C1QTNF3: variants seen among roughly 807,000 people sequenced by gnomAD.
C1QTNF3 encodes the protein complement C1q tumor necrosis factor-related protein 3.
In C1QTNF3, 26 loss-of-function variants were observed where a neutral mutation model predicts 32.6. The observed-to-expected ratio is 0.80, with a 90% CI of 0.58 to 1.11. The LOEUF (loss-of-function observed/expected upper bound fraction) is 1.11, where lower values mean the gene tolerates loss of function less well. Ranked by LOEUF, C1QTNF3 falls within the 50% of genes least tolerant of loss-of-function variation. The pLI is 0.00. For synonymous variants in C1QTNF3, 155 were observed against 146.0 expected, an observed-to-expected ratio of 1.06 and a Z score of -0.44; for missense variants, 362 against 398.2, an observed-to-expected ratio of 0.91 and a Z score of 0.77.
the C1QTNF3 span, among the ~76,000 whole-genome samples, chr5:34,067,654 A>T: frequency 2.0e-5 from 3 of 152,170 alleles, no homozygotes; most frequent in Non-Finnish European, 2.9e-5. Context: ...CTCCCACAAC[A>T]TGTGAGAATT....
intron 1 of C1QTNF3, among the ~76,000 whole-genome samples, chr5:34,036,486 T>C (rs558741421): frequency 6.6e-6 from 1 of 152,356 alleles, no homozygotes; most frequent in African/African-American, 2.4e-5. Flanking sequence ...ACTGTTTTTG[T>C]AGAGAGAGCA....
chr5:34,129,481 G>C, the C1QTNF3 span, among the ~76,000 whole-genome samples: 1 of 152,092 alleles, frequency 6.6e-6, no homozygotes, highest in Non-Finnish European at 1.5e-5. Flanking sequence ...TGTGAGACAG[G>C]AGAAATAAAT....
rs772708439 is a variant in C1QTNF3, at chr5:34,035,710, C to T, written c.352G>A (p.Gly118Arg). The part of the protein sequence containing the change: ...LPPDCSKCCH[G>R]DYSFRGYQGP... ...TGGTAGCCTCGAAAGCTGTAGTCTC[C>T]ATGACAACACTTACTGCAGTCTGGG... The change falls in exon 2 of 6, where the codon GGA (glycine) becomes AGA (arginine). Residue 118 changes from glycine to arginine, a missense_variant. Gly to Arg is a moderately radical substitution (Grantham distance 125). Transcript: ENST00000382065. The T allele has an allele frequency of 1.3e-5, 21 of 1,612,384 alleles. No individual in the cohort carries two copies. The highest frequency in any genetic ancestry group is 1.8e-5 in the Non-Finnish European group (21 of 1,179,540).
At chr5:34,195,529 AT>A in the C1QTNF3 span, among the ~76,000 whole-genome samples, 1 of 151,888 alleles carries the variant, frequency 6.6e-6, no homozygotes, top group East Asian at 1.9e-4. Context: ...TACAGACTGC[AT>A]GTTTGTGTTC....
chr5:34,127,373 C>G, the C1QTNF3 span, among the ~76,000 whole-genome samples: 1 of 152,040 alleles, frequency 6.6e-6, no homozygotes, highest in African/African-American at 2.4e-5. Flanking sequence ...AAAGTCCCGG[C>G]TGAGGTAGTC....
chr5:34,212,661 C>T, the C1QTNF3 span, among the ~76,000 whole-genome samples: 1 of 150,300 alleles, frequency 6.7e-6, no homozygotes, highest in Non-Finnish European at 1.5e-5. Flanking sequence ...AAAATGCTCA[C>T]CATCACTGGC....
the C1QTNF3 span, among the ~76,000 whole-genome samples, chr5:34,102,341 T>A: frequency 1.3e-5 from 2 of 152,214 alleles, no homozygotes; most frequent in East Asian, 1.9e-4. Flanking sequence ...TATTATTAAA[T>A]AATTTGAATT....
the C1QTNF3 span, among the ~76,000 whole-genome samples, chr5:34,126,844 T>C: frequency 6.6e-6 from 1 of 152,284 alleles, no homozygotes; most frequent in South Asian, 2.1e-4. Context: ...CCCATGCAAA[T>C]CTCATCTAGA....
At position 34,028,749 on chromosome 5, in the gene C1QTNF3, C is replaced by T. The variant is rs777143468; in HGVS notation, c.700+5G>A. ...CTCAATCTTCATCCTATGTTTCCATCTCACCTGATACTGGGGCCCCAAATC... is the reference window on the plus strand; with the variant it reads ...CTCAATCTTCATCCTATGTTTCCATTTCACCTGATACTGGGGCCCCAAATC... On this transcript the variant is annotated splice_donor_5th_base_variant and intron_variant, in intron 4 of 5. Coordinates refer to ENST00000382065, the MANE Select transcript of C1QTNF3 (RefSeq NM_181435.6). 6.2e-7 allele frequency: 1 copy of T among 1,602,038 alleles called. No homozygotes were observed. Among genetic ancestry groups the T allele is most frequent in the Admixed American group, 1.7e-5 (1 of 58,622 alleles).
At chr5:34,220,271 T>C in the C1QTNF3 span, among the ~76,000 whole-genome samples, 3 of 152,114 alleles carry the variant, frequency 2.0e-5, no homozygotes, top group Non-Finnish European at 4.4e-5. Context: ...GATTTGTTAA[T>C]TCCACATAAA....
chr5:34,156,045 A>T, the C1QTNF3 span, among the ~76,000 whole-genome samples: 1 of 152,054 alleles, frequency 6.6e-6, no homozygotes, highest in African/African-American at 2.4e-5. Flanking sequence ...CACCATGAGG[A>T]GTTTGATTTC....
chr5:34,219,677 T>C, the C1QTNF3 span, among the ~76,000 whole-genome samples: 6 of 152,262 alleles, frequency 3.9e-5, no homozygotes, highest in Admixed American at 2.0e-4. Context: ...ATAAAATTCC[T>C]TCTAACAGTG....
chr5:34,111,038 G>A, the C1QTNF3 span, among the ~76,000 whole-genome samples: 1 of 152,106 alleles, frequency 6.6e-6, no homozygotes, highest in African/African-American at 2.4e-5. Flanking sequence ...TATTCTTACG[G>A]TCTCACTTCT....
the C1QTNF3 span, among the ~76,000 whole-genome samples, chr5:34,203,877 T>C: frequency 6.6e-6 from 1 of 151,940 alleles, no homozygotes; most frequent in African/African-American, 2.4e-5. Flanking sequence ...GCTATACTTA[T>C]ATCAAGTAAA....
the C1QTNF3 span, among the ~76,000 whole-genome samples, chr5:34,112,296 C>A: frequency 2.6e-5 from 4 of 152,084 alleles, no homozygotes; most frequent in Non-Finnish European, 5.9e-5. Flanking sequence ...CAATCAATTA[C>A]AACCCCTTTA....
chr5:34,107,993 T>C, the C1QTNF3 span, among the ~76,000 whole-genome samples: 3 of 151,968 alleles, frequency 2.0e-5, no homozygotes, highest in Non-Finnish European at 4.4e-5. Context: ...CTTTCCCTTA[T>C]TAGAGGCCAA....
intron 4 of C1QTNF3, among the ~76,000 whole-genome samples, chr5:34,025,453 G>A (rs371752790): frequency 1.4e-4 from 21 of 152,284 alleles, no homozygotes; most frequent in African/African-American, 4.3e-4. Flanking sequence ...TGGAAATACC[G>A]AAGTGAGTAT....
chr5:34,061,509 C>T, the C1QTNF3 span, among the ~76,000 whole-genome samples: 1 of 152,200 alleles, frequency 6.6e-6, no homozygotes, highest in Admixed American at 6.5e-5. Flanking sequence ...CTGCAGCAAA[C>T]GTCTGCCTGG....
At chr5:34,035,931 T>C (rs1754725878) in intron 1 of C1QTNF3, among the ~76,000 whole-genome samples, 173 bp from the exon 2 acceptor site, 2 of 147,502 alleles carry the variant, frequency 1.4e-5, no homozygotes, top group East Asian at 4.0e-4. Flanking sequence ...AGGGAGTAGC[T>C]AAGGTCAGTT....
Sources: allele counts gnomAD v4.1 joint callset (sites outside exome capture counted in the v4.1 genomes callset), GRCh38; gene constraint gnomAD v4.1.1; transcripts MANE v1.5; gene names NCBI Gene and HGNC (gene_info 2026-07-23, HGNC 2026-07-21).